The following CLU variants were observed in gnomAD, a reference collection of about 807,000 sequenced individuals.
The protein encoded by CLU is clusterin, also known as aging-associated protein 4.
In CLU, 25 loss-of-function variants were observed where a neutral mutation model predicts 46.4. The observed-to-expected ratio is 0.54, with a 90% CI of 0.39 to 0.75. CLU has a LOEUF of 0.75. Among genes scored for constraint, CLU ranks in the 30% least tolerant of loss-of-function variants. The probability of loss-of-function intolerance (pLI) is 0.00; values close to 1 mark genes in which losing one functional copy is unlikely to be tolerated. For missense variants in CLU, 504 were observed against 592.1 expected, an observed-to-expected ratio of 0.85 and a Z score of 1.54; for synonymous variants, 235 against 235.1, an observed-to-expected ratio of 1.00 and a Z score of 0.00.
Position 27,610,562 on chromosome 8 carries a change from T to C in CLU, c.10A>G (p.Thr4Ala), listed in dbSNP as rs1190119879. 1 of 1,613,914 alleles carries C rather than the reference T, an allele frequency of 6.2e-7. No homozygotes were observed. Among genetic ancestry groups the C allele is most frequent in the Admixed American group, 1.7e-5 (1 of 60,004 alleles). MMK[T>A]LLLFVGLLLT... is the part of the protein sequence containing the mutation. The stretch of plus-strand genomic sequence containing the variant: ...AGCAGCCCCACAAACAGCAGCAGAG[T>C]CTTCATCATGCCTCCAATTCTGGAG... The change falls in exon 2 of 9, where the codon ACT (threonine) becomes GCT (alanine). Residue 4 changes from threonine to alanine, a missense_variant. Transcript: ENST00000316403.
chr8:27,601,104 A>C (rs1415704644), intron 6 of CLU, among the ~76,000 whole-genome samples: 1 of 152,162 alleles, frequency 6.6e-6, no homozygotes, highest in Non-Finnish European at 1.5e-5. Flanking sequence ...GCTGGAGTGC[A>C]ATGGCGCGAG....
chr8:27,610,659 ACCTGCTGCC>A, intron 1 of CLU, 59 bp from the exon 2 acceptor site: 1 of 1,365,176 alleles, frequency 7.3e-7, no homozygotes, highest in Non-Finnish European at 1.0e-6. Context: ...CGTCCCGCCC[ACCTGCTGCC>A]TGCAGCAGCT....
At chr8:27,600,098 G>A in intron 6 of CLU, 89 bp from the exon 7 acceptor site, 1 of 990,226 alleles carries the variant, frequency 1.0e-6, no homozygotes, top group Non-Finnish European at 1.6e-6. Flanking sequence ...GTTAGCACAT[G>A]CAGCGGGAAC....
chr8:27,601,547 A>T (rs1800721850), intron 6 of CLU, among the ~76,000 whole-genome samples: 1 of 152,222 alleles, frequency 6.6e-6, no homozygotes, highest in African/African-American at 2.4e-5. Flanking sequence ...TGTCAGATTC[A>T]TTAAGACCTG....
In CLU at chr8:27,600,010, C is replaced by G; in HGVS notation, c.935-1G>C. ...TGGGAGGGGTTGTTGGTGGAACAGTCTGCCCAGAGATGGAAGAAACGCAAG... is the reference window on the plus strand; with the variant it reads ...TGGGAGGGGTTGTTGGTGGAACAGTGTGCCCAGAGATGGAAGAAACGCAAG... On this transcript the variant is annotated splice_acceptor_variant, in intron 6 of 8. Coordinates refer to ENST00000316403, the MANE Select transcript of CLU (RefSeq NM_001831.4). LOFTEE classifies it high-confidence loss of function. 1 of 1,613,244 alleles carries G rather than the reference C, an allele frequency of 6.2e-7. No homozygotes were observed. Among genetic ancestry groups the G allele is most frequent in the South Asian group, 1.1e-5 (1 of 91,036 alleles).
At chr8:27,605,480 G>A (rs1800806721) in intron 4 of CLU, 145 bp from the exon 5 acceptor site, 1 of 796,602 alleles carries the variant, frequency 1.3e-6, no homozygotes, top group Admixed American at 2.0e-5. Context: ...GCTGGGACCA[G>A]CCCCCAGCAC....
intron 6 of CLU, among the ~76,000 whole-genome samples, chr8:27,603,562 T>C (rs367754415): frequency 5.9e-5 from 9 of 152,290 alleles, no homozygotes; most frequent in African/African-American, 1.7e-4. Flanking sequence ...GGAAAGAAGT[T>C]AACCCATAAC....
chr8:27,599,719 C>T lies in CLU; in HGVS notation c.1164+61G>A. Reference sequence around the variant, plus strand: ...AATGCTCAGTCAAAAGCACACATGCCCCTGCTCCCGATCACAGCTCGGGCT... The same window carrying T: ...AATGCTCAGTCAAAAGCACACATGCTCCTGCTCCCGATCACAGCTCGGGCT... On this transcript the variant is annotated intron_variant, in intron 7 of 8. Coordinates refer to ENST00000316403, the MANE Select transcript of CLU (RefSeq NM_001831.4). This position sits in a 1 kb window ranked among gnomAD's most constrained non-coding sequence, Gnocchi z 4.0. The T allele has an allele frequency of 7.9e-7, 1 of 1,260,164 alleles. No individual in the cohort carries two copies. Among genetic ancestry groups the T allele is most frequent in the African/African-American group, 1.5e-5 (1 of 67,316 alleles). 78.1% of individuals were successfully genotyped at this position (1,260,164 alleles called of 1,614,324 possible). A position where few individuals can be genotyped will look rare whatever the true frequency, so the allele number is the denominator to read the frequency against.
chr8:27,601,599 C>G (rs1353954971), intron 6 of CLU, among the ~76,000 whole-genome samples: 2 of 152,202 alleles, frequency 1.3e-5, no homozygotes, highest in South Asian at 2.1e-4. Flanking sequence ...TTTTCTCCCC[C>G]TAAGGTATTT....
rs1323049703 is a variant in CLU at position 27,605,338 on chromosome 8, G to T, written c.418-3C>A. On this transcript the variant is annotated splice_region_variant and splice_polypyrimidine_tract_variant and intron_variant, in intron 4 of 8. Coordinates refer to ENST00000316403, the MANE Select transcript of CLU (RefSeq NM_001831.4). ...CTCTGGTTCAGGAACTCCTCAAGCT[G>T]GGACAGCCAGCATGGGCACAGTTAG... 1.2e-6 allele frequency: 2 copies of T among 1,614,110 alleles called. No individual in the cohort carries two copies. Among genetic ancestry groups the T allele is most frequent in the Non-Finnish European group, 1.7e-6 (2 of 1,180,034 alleles).
At chr8:27,598,386 CTTTG>C (rs754785646) in intron 8 of CLU, 70 bp downstream of exon 8, 142 of 1,606,306 alleles carry the variant, frequency 8.8e-5, no homozygotes, top group Admixed American at 3.5e-4. Flanking sequence ...AGAGTCTGCA[CTTTG>C]TTTGTTTTTT....
At chr8:27,611,091 G>A in intron 1 of CLU, 2 of 415,850 alleles carry the variant, frequency 4.8e-6, no homozygotes, top group South Asian at 3.5e-5. Context: ...CTTCACCCCA[G>A]CAGACGCTCC....
At chr8:27,611,795 C>G (rs1223945404) in intron 1 of CLU, 5 of 456,108 alleles carry the variant, frequency 1.1e-5, no homozygotes, top group Admixed American at 9.4e-5. Context: ...AGCGCCTTCC[C>G]CAGAGATGGG....
chr8:27,612,709 G>A (rs973932250), intron 1 of CLU, among the ~76,000 whole-genome samples: 2 of 151,876 alleles, frequency 1.3e-5, no homozygotes, highest in Admixed American at 6.6e-5. Context: ...CTGCACAGCC[G>A]ACCTCCTTTC....
At position 27,597,482 on chromosome 8, in the gene CLU, C is replaced by T. The variant is rs1291328603; in HGVS notation, c.*759G>A. 2.2e-6 allele frequency: 1 copy of T among 454,308 alleles called. No individual in the cohort carries two copies. Among genetic ancestry groups the T allele is most frequent in the South Asian group, 1.6e-5 (1 of 64,478 alleles). The allele number at this position is 454,308 out of a possible 1,614,324, so 28.1% of individuals were successfully genotyped here. On this transcript the variant is annotated 3_prime_UTR_variant, in exon 9 of 9. Transcript: ENST00000316403. ...ATGCCCCTGGGATGCTGAGCTCTTA[C>T]AACTCGAAATCAACAGCTTTTACAA...
rs778078722 is a variant in CLU, at chr8:27,610,518, C to T, written c.54G>A (p.Gly18=). Residue 18 remains glycine (G), a synonymous_variant, in exon 2 of 9, where the codon GGG becomes GGA. Coordinates refer to ENST00000316403, the MANE Select transcript of CLU (RefSeq NM_001831.4). ...FVGLLLTWES[G]QVLGDQTVSD... ...AGACCGTCTGGTCCCCCAGGACCTGCCCACTCTCCCAGGTCAGCAGCAGCC... is the reference window on the plus strand; with the variant it reads ...AGACCGTCTGGTCCCCCAGGACCTGTCCACTCTCCCAGGTCAGCAGCAGCC... 1.2e-6 allele frequency: 2 copies of T among 1,614,248 alleles called. No individual in the cohort carries two copies. The highest frequency in any genetic ancestry group is 1.1e-5 in the South Asian group (1 of 91,088).
Position 27,606,217 on chromosome 8 carries a change from T to C in CLU, c.417+137A>G, listed in dbSNP as rs1194736595. The C allele has an allele frequency of 4.3e-6, 4 of 936,588 alleles. No individual in the cohort carries two copies. The African/African-American group carries it at 4.8e-5, about 11-fold the overall frequency. The allele number at this position is 936,588 out of a possible 1,614,324, so 58.0% of individuals were successfully genotyped here. ...CACTCTCTCTACTCATGCCAGACAT[T>C]ACCAATGGAGCATGGCACTCTGGGC... On this transcript the variant is annotated intron_variant, in intron 4 of 8. Transcript: ENST00000316403.
chr8:27,601,243 G>C (rs1281798259), intron 6 of CLU, among the ~76,000 whole-genome samples: 1 of 152,184 alleles, frequency 6.6e-6, no homozygotes, highest in Non-Finnish European at 1.5e-5. Flanking sequence ...GAGAGACAGG[G>C]TTTCACCATG....
At chr8:27,600,173 T>C (rs1277145449) in intron 6 of CLU, among the ~76,000 whole-genome samples, 164 bp from the exon 7 acceptor site, 25 of 152,226 alleles carry the variant, frequency 1.6e-4, no homozygotes. Context: ...ATAAAGGTTT[T>C]GCCTCAGAAT....
Sources: allele counts gnomAD v4.1 joint callset (sites outside exome capture counted in the v4.1 genomes callset), GRCh38; gene constraint gnomAD v4.1.1; non-coding constraint Gnocchi (gnomAD v3.1); transcripts MANE v1.5; gene names NCBI Gene and HGNC (gene_info 2026-07-23, HGNC 2026-07-21).